STK11: variants seen among roughly 807,000 people sequenced by gnomAD.
STK11 encodes serine/threonine kinase 11.
A neutral mutation model predicts 47.3 loss-of-function variants in STK11; 8 were observed. The ratio of observed to expected loss-of-function variants is 0.17; its 90% CI spans 0.10 to 0.31. STK11 has a LOEUF of 0.31. Ranked by LOEUF, STK11 falls within the 10% of genes least tolerant of loss-of-function variation. The probability of loss-of-function intolerance (pLI) is 1.00; values close to 1 mark genes in which losing one functional copy is unlikely to be tolerated. For synonymous variants in STK11, 330 were observed against 255.8 expected, an observed-to-expected ratio of 1.29 and a Z score of -2.77; for missense variants, 475 against 605.0, an observed-to-expected ratio of 0.79 and a Z score of 2.25.
intron 5 of STK11, 61 bp from the exon 6 acceptor site, chr19:1,221,152 G>T (rs1236553750): frequency 6.3e-7 from 1 of 1,598,156 alleles, no homozygotes; most frequent in Non-Finnish European, 8.6e-7. Flanking sequence ...TAGAGCTGGG[G>T]CTCCTAGGGC....
At chr19:1,212,126 C>T (rs2080715341) in intron 1 of STK11, among the ~76,000 whole-genome samples, 1 of 152,088 alleles carries the variant, frequency 6.6e-6, no homozygotes, top group South Asian at 2.1e-4. Context: ...GGTGCCCAGC[C>T]AGCTGGGGCA....
At chr19:1,223,603 C>T in intron 8 of STK11, 13 of 1,071,096 alleles carry the variant, frequency 1.2e-5, no homozygotes, top group Non-Finnish European at 1.4e-5. Flanking sequence ...GAGGCCTGCC[C>T]GCTGGCCCTG....
chr19:1,221,887 G>A, intron 6 of STK11, 62 bp from the exon 7 acceptor site: 1 of 1,539,038 alleles, frequency 6.5e-7, no homozygotes, highest in Non-Finnish European at 8.8e-7. Flanking sequence ...GGCAGGCGGG[G>A]ACGGTTGGTG....
intron 8 of STK11, 159 bp from the exon 9 acceptor site, chr19:1,226,295 G>A: frequency 6.9e-7 from 1 of 1,449,652 alleles, no homozygotes; most frequent in South Asian, 1.5e-5. Context: ...AGCTGCTGGG[G>A]GGCAGCATTT....
chr19:1,221,319 C>T lies in STK11; in HGVS notation c.841C>T (p.Pro281Ser), dbSNP rs377208033. 6.2e-7 allele frequency: 1 copy of T among 1,609,752 alleles called. No homozygotes were observed. Among genetic ancestry groups the T allele is most frequent in the Non-Finnish European group, 8.5e-7 (1 of 1,178,402 alleles). Residue 281 changes from proline to serine, a missense_variant, in exon 6 of 10, where the codon CCG becomes TCG. Physicochemically the swap from Pro to Ser is moderately conservative, Grantham distance 74. Coordinates refer to ENST00000326873, the MANE Select transcript of STK11 (RefSeq NM_000455.5). The part of the protein sequence containing the change: ...SYAIPGDCGP[P>S]LSDLLKGMLE... ...CGCCATCCCGGGCGACTGTGGCCCC[C>T]CGCTCTCTGACCTGCTGAAAGGTGG...
intron 8 of STK11, chr19:1,224,426 C>G: frequency 1.0e-6 from 1 of 985,440 alleles, no homozygotes; most frequent in South Asian, 4.7e-5. Context: ...TCCTTGGGGC[C>G]TGGCTGCAAT....
intron 1 of STK11, among the ~76,000 whole-genome samples, chr19:1,210,963 C>G (rs1378528748): frequency 6.6e-6 from 1 of 151,900 alleles, no homozygotes; most frequent in Non-Finnish European, 1.5e-5. Context: ...AAGTTTGAGA[C>G]CAGCGTGGCC....
rs1330571707 is a variant in STK11 at position 1,227,863 on chromosome 19, G to C, written c.*287G>C. 1 of 1,070,040 alleles carries C rather than the reference G, an allele frequency of 9.3e-7. No homozygotes were observed. The highest frequency in any genetic ancestry group is 1.1e-6 in the Non-Finnish European group (1 of 882,260). The allele number at this position is 1,070,040 out of a possible 1,614,324, so 66.3% of individuals were successfully genotyped here. A position where few individuals can be genotyped will look rare whatever the true frequency, so the allele number is the denominator to read the frequency against. The stretch of plus-strand genomic sequence containing the variant: ...GTGGGAGGAGGGAGGCGGCCTCCAT[G>C]CACTTTATGTGGAGACTACTGGCCC... On this transcript the variant is annotated 3_prime_UTR_variant, in exon 10 of 10. Coordinates refer to ENST00000326873, the MANE Select transcript of STK11 (RefSeq NM_000455.5).
intron 1 of STK11, among the ~76,000 whole-genome samples, chr19:1,216,096 A>C (rs1481791559): frequency 6.6e-6 from 1 of 152,064 alleles, no homozygotes; most frequent in African/African-American, 2.4e-5. Context: ...GAAAAAAAAA[A>C]CTATGGAGAT....
rs376313955 is a variant in STK11 at position 1,219,422 on chromosome 19, G to A, written c.464+9G>A. 551 of 1,554,658 alleles carry A rather than the reference G, an allele frequency of 3.5e-4. 3 individuals are homozygous for A. In the African/African-American group the frequency reaches 6.3e-3, roughly 18 times the overall value. On this transcript the variant is annotated intron_variant, in intron 3 of 9. Coordinates refer to ENST00000326873, the MANE Select transcript of STK11 (RefSeq NM_000455.5). ...GTGTGCCAGGCCCACGGGTGCGTGC[G>A]CGGGGCAGGGGCCAGGGTGGGGCGG...
rs1398405224 is a variant in STK11, at chr19:1,227,871, T to C, written c.*295T>C. 2.2e-5 allele frequency: 23 copies of C among 1,069,144 alleles called. No individual in the cohort carries two copies. Among genetic ancestry groups the C allele is most frequent in the Non-Finnish European group, 2.5e-5 (22 of 881,778 alleles). 66.2% of individuals were successfully genotyped at this position (1,069,144 alleles called of 1,614,324 possible). A position where few individuals can be genotyped will look rare whatever the true frequency, so the allele number is the denominator to read the frequency against. ...AGGGAGGCGGCCTCCATGCACTTTA[T>C]GTGGAGACTACTGGCCCCGCCCGTG... On this transcript the variant is annotated 3_prime_UTR_variant, in exon 10 of 10. Transcript: ENST00000326873.
At chr19:1,217,595 GT>G (rs1226384872) in intron 1 of STK11, among the ~76,000 whole-genome samples, 2 of 152,236 alleles carry the variant, frequency 1.3e-5, no homozygotes, top group Non-Finnish European at 2.9e-5. Flanking sequence ...AGAGGGGGCA[GT>G]GACAGGCGGG....
intron 1 of STK11, 42 bp downstream of exon 1, chr19:1,207,245 C>G (rs2145406237): frequency 1.3e-6 from 2 of 1,557,094 alleles, no homozygotes; most frequent in Middle Eastern, 1.7e-4. Context: ...CCGGGCCAGT[C>G]ACGGTGCTGA....
chr19:1,216,357 G>A (rs979853506), intron 1 of STK11: 1 of 171,744 alleles, frequency 5.8e-6, no homozygotes, highest in African/African-American at 2.4e-5. Context: ...CGGGCGCGGT[G>A]ACTCACGAGA....
chr19:1,224,076 C>T (rs2080804713), intron 8 of STK11: 1 of 998,558 alleles, frequency 1.0e-6, no homozygotes, highest in African/African-American at 1.7e-5. Flanking sequence ...GAGAGCCCCC[C>T]ATTAGGTCCC....
rs765774300 is a variant in STK11, at chr19:1,223,159, C to G, written c.1095C>G (p.Asp365Glu). The G allele has an allele frequency of 6.2e-7, 1 of 1,611,334 alleles. No homozygotes were observed. Reference protein sequence around the residue: ...DIEDDIIYTQDFTVPGQVPEE... With the variant: ...DIEDDIIYTQEFTVPGQVPEE... ...AGGATGACATCATCTACACTCAGGACTTCACGGTGCCCGGTGAGTCTGGCG... is the reference window on the plus strand; with the variant it reads ...AGGATGACATCATCTACACTCAGGAGTTCACGGTGCCCGGTGAGTCTGGCG... Residue 365 changes from aspartate (D) to glutamate (E), a missense_variant, in exon 8 of 10, where the codon GAC (aspartate) becomes GAG (glutamate). This residue lies in a region of STK11 where 219 missense variants were observed against 189.2 expected (regional missense o/e 1.16). Transcript: ENST00000326873.
chr19:1,214,257 C>T (rs555527880), intron 1 of STK11, among the ~76,000 whole-genome samples: 2 of 152,326 alleles, frequency 1.3e-5, no homozygotes, highest in African/African-American at 4.8e-5. Flanking sequence ...TGACTGCCAC[C>T]AGGCGGGGGT....
intron 1 of STK11, among the ~76,000 whole-genome samples, chr19:1,212,776 C>T (rs941998261): frequency 3.3e-5 from 5 of 151,602 alleles, no homozygotes; most frequent in Non-Finnish European, 7.4e-5. Flanking sequence ...GATCTCCTGA[C>T]CTTGTGATCC....
chr19:1,217,135 G>A (rs2080749946), intron 1 of STK11, among the ~76,000 whole-genome samples: 1 of 152,164 alleles, frequency 6.6e-6, no homozygotes, highest in Admixed American at 6.5e-5. Context: ...CAGGGTAACA[G>A]ACCTTTGGAG....
Sources: allele counts gnomAD v4.1 joint callset (sites outside exome capture counted in the v4.1 genomes callset), GRCh38; gene constraint gnomAD v4.1.1; regional missense constraint gnomAD v4.1.1; transcripts MANE v1.5; gene names NCBI Gene and HGNC (gene_info 2026-07-23, HGNC 2026-07-21).